The following SNAPC3 variants were observed in gnomAD, a reference collection of about 807,000 sequenced individuals.
The protein encoded by SNAPC3 is small nuclear RNA activating complex polypeptide 3.
A neutral mutation model predicts 47.7 loss-of-function variants in SNAPC3; 56 were observed. The observed-to-expected ratio is 1.18, with a 90% CI of 0.95 to 1.47. SNAPC3 has a LOEUF of 1.47. SNAPC3 is among the 40% of genes most tolerant of loss of function. SNAPC3 has a pLI of 0.00. For synonymous variants in SNAPC3, 235 were observed against 189.9 expected (o/e 1.24, Z -1.95); for missense variants, 665 against 511.3 (o/e 1.30, Z -2.90).
intron 3 of SNAPC3, among the ~76,000 whole-genome samples, chr9:15,436,216 C>G (rs1318739600): frequency 1.3e-5 from 2 of 152,144 alleles, no homozygotes; most frequent in Non-Finnish European, 2.9e-5. Flanking sequence ...TTATCTTTTT[C>G]TTTTGTTGTC....
At chr9:15,462,991 G>A (rs1415815589), downstream of SNAPC3, 1 of 152,088 alleles carries the variant, frequency 6.6e-6, no homozygotes, top group African/African-American at 2.4e-5. Context: ...CTGTAACCAG[G>A]TAAGTGTATG....
chr9:15,465,398 C>A, downstream of SNAPC3: 1 of 833,824 alleles, frequency 1.2e-6, no homozygotes, highest in South Asian at 1.7e-5. Context: ...GGATTTTCTC[C>A]CTCAAAACAA....
intron 3 of SNAPC3, among the ~76,000 whole-genome samples, chr9:15,441,022 T>C (rs2033300983): frequency 6.6e-6 from 1 of 151,964 alleles, no homozygotes; most frequent in East Asian, 1.9e-4. Flanking sequence ...TTAACCTCCA[T>C]GTTTTCTGAT....
At chr9:15,456,975 T>C (rs1303368332) in intron 7 of SNAPC3, among the ~76,000 whole-genome samples, 1 of 152,238 alleles carries the variant, frequency 6.6e-6, no homozygotes, top group East Asian at 1.9e-4. Context: ...TAGAGACCTT[T>C]AGAACAATTT....
intron 3 of SNAPC3, among the ~76,000 whole-genome samples, chr9:15,436,189 AT>A (rs2032784696): frequency 6.6e-6 from 1 of 152,156 alleles, no homozygotes; most frequent in African/African-American, 2.4e-5. Flanking sequence ...AAGTTTTTAA[AT>A]TTGATGAAGT....
At position 15,459,608 on chromosome 9, in the gene SNAPC3, A is replaced by G. The variant is rs1019741711; in HGVS notation, c.1089-111A>G. ...TAAGGGATTATTATGCATTAATAACAGACTGATAAGGAAATAGAATGTTAT... is the reference window on the plus strand; with the variant it reads ...TAAGGGATTATTATGCATTAATAACGGACTGATAAGGAAATAGAATGTTAT... On this transcript the variant is annotated intron_variant, in intron 8 of 8. Transcript: ENST00000380821. The G allele has an allele frequency of 1.1e-5, 9 of 825,600 alleles. No homozygotes were observed. The African/African-American group carries it at 1.5e-4, about 14-fold the overall frequency. 51.1% of individuals were successfully genotyped at this position (825,600 alleles called of 1,614,324 possible).
chr9:15,427,588 G>A (rs1337580560), intron 2 of SNAPC3, among the ~76,000 whole-genome samples: 2 of 152,122 alleles, frequency 1.3e-5, no homozygotes, highest in Admixed American at 1.3e-4. Flanking sequence ...GACCTCAAGT[G>A]ATCTGCCGGC....
chr9:15,465,161 GA>G, downstream of SNAPC3: 1 of 240,548 alleles, frequency 4.2e-6, no homozygotes, highest in East Asian at 6.1e-5. Context: ...CAGTATTTGG[GA>G]AAAGAGGCAA....
chr9:15,455,252 A>C (rs1288391442), intron 7 of SNAPC3, among the ~76,000 whole-genome samples: 1 of 152,118 alleles, frequency 6.6e-6, no homozygotes, highest in African/African-American at 2.4e-5. Context: ...CAGTACATTT[A>C]TGTCTTTGAT....
At chr9:15,425,280 G>T (rs1369842462) in intron 2 of SNAPC3, among the ~76,000 whole-genome samples, 1 of 152,076 alleles carries the variant, frequency 6.6e-6, no homozygotes, top group African/African-American at 2.4e-5. Context: ...GTGCAGTGGC[G>T]TGATCTCTGC....
At chr9:15,463,282 T>TG (rs1175713838), downstream of SNAPC3, 4 of 125,180 alleles carry the variant, frequency 3.2e-5, no homozygotes, top group African/African-American at 6.2e-5. Context: ...TGGAGTGCAG[T>TG]GGGGCAATCT....
At chr9:15,464,107 G>T (rs2035446003), downstream of SNAPC3, 1 of 180,480 alleles carries the variant, frequency 5.5e-6, no homozygotes, top group African/African-American at 2.4e-5. Context: ...TTTACACGTT[G>T]AACTTATGGC....
chr9:15,435,869 G>A (rs1373603668), intron 3 of SNAPC3, among the ~76,000 whole-genome samples: 2 of 85,904 alleles, frequency 2.3e-5, no homozygotes, highest in Non-Finnish European at 4.7e-5. Context: ...TTGAGACAGA[G>A]TTTTGCTCTT....
At chr9:15,428,508 CAAA>C (rs397952770) in intron 2 of SNAPC3, among the ~76,000 whole-genome samples, 2 of 129,224 alleles carry the variant, frequency 1.5e-5, no homozygotes, top group Non-Finnish European at 1.6e-5. Context: ...GACTCTGTCT[CAAA>C]AAAAAAAAAA....
intron 2 of SNAPC3, among the ~76,000 whole-genome samples, chr9:15,428,230 G>A (rs2131746138): frequency 6.6e-6 from 1 of 152,050 alleles, no homozygotes; most frequent in South Asian, 2.1e-4. Flanking sequence ...TGCCCCAGAT[G>A]TTACAAAAAT....
chr9:15,456,588 C>G (rs2034816242), intron 7 of SNAPC3, among the ~76,000 whole-genome samples: 5 of 152,008 alleles, frequency 3.3e-5, no homozygotes, highest in Admixed American at 3.3e-4. Context: ...TTCCCTCAGT[C>G]TTTCCCATAG....
chr9:15,424,491 T>C (rs1187827386), intron 2 of SNAPC3, among the ~76,000 whole-genome samples: 1 of 152,178 alleles, frequency 6.6e-6, no homozygotes, highest in African/African-American at 2.4e-5. Context: ...ATTTATGCTT[T>C]GATAAAATAC....
chr9:15,436,132 C>T (rs1211754961), intron 3 of SNAPC3, among the ~76,000 whole-genome samples: 2 of 152,208 alleles, frequency 1.3e-5, no homozygotes, highest in Non-Finnish European at 2.9e-5. Context: ...GCGTGGGCAA[C>T]CACAGTCAGC....
intron 3 of SNAPC3, among the ~76,000 whole-genome samples, chr9:15,442,105 G>A (rs1224185864): frequency 2.0e-5 from 3 of 151,170 alleles, no homozygotes; most frequent in Non-Finnish European, 3.0e-5. Flanking sequence ...CTGGCCAGGC[G>A]GGGGCTGCCC....
Sources: gnomAD v4.1 joint callset for allele counts (sites outside exome capture counted in the v4.1 genomes callset) on GRCh38, gnomAD v4.1.1 for gene constraint, MANE v1.5 for transcripts, NCBI Gene and HGNC (gene_info 2026-07-23, HGNC 2026-07-21) for gene names.